NFIA: variants seen among roughly 807,000 people sequenced by gnomAD.
NFIA encodes the protein nuclear factor I A, also known as nuclear factor 1 A-type.
A neutral mutation model predicts 62.8 loss-of-function variants in NFIA; 8 were observed. The observed-to-expected ratio is 0.13, with a 90% CI of 0.07 to 0.23. The LOEUF (loss-of-function observed/expected upper bound fraction) is 0.23, where lower values mean the gene tolerates loss of function less well. Ranked by LOEUF, NFIA falls within the 10% of genes least tolerant of loss-of-function variation. The probability of loss-of-function intolerance (pLI) is 1.00; values close to 1 mark genes in which losing one functional copy is unlikely to be tolerated. For missense variants in NFIA, 410 were observed against 642.1 expected (o/e 0.64, Z 3.91); for synonymous variants, 235 against 238.1 (o/e 0.99, Z 0.12).
At chr1:61,113,677 G>T (rs527244932) in intron 2 of NFIA, among the ~76,000 whole-genome samples, 2 of 152,098 alleles carry the variant, frequency 1.3e-5, no homozygotes, top group Admixed American at 6.6e-5. Flanking sequence ...CATTTGGAAG[G>T]CTTCTTGGGT....
At chr1:61,406,455 A>T in intron 8 of NFIA, 107 bp from the exon 9 acceptor site, 1 of 914,478 alleles carries the variant, frequency 1.1e-6, no homozygotes, top group Non-Finnish European at 1.7e-6. Flanking sequence ...TTAGTAATTT[A>T]CATTAAAGGT....
chr1:61,328,175 A>G (rs1347438785), intron 3 of NFIA, among the ~76,000 whole-genome samples: 1 of 149,514 alleles, frequency 6.7e-6, no homozygotes, highest in Non-Finnish European at 1.5e-5. Context: ...TTGTATGCAT[A>G]TTTCTTGTAA....
At chr1:61,207,408 CCTTT>C (rs1276056600) in intron 2 of NFIA, among the ~76,000 whole-genome samples, 1 of 152,118 alleles carries the variant, frequency 6.6e-6, no homozygotes, top group Non-Finnish European at 1.5e-5. Flanking sequence ...CATCTTTCTT[CCTTT>C]TTTTATTGTT....
At chr1:61,081,964 C>A, upstream of NFIA, 2 of 1,549,690 alleles carry the variant, frequency 1.3e-6, no homozygotes, top group South Asian at 2.4e-5. Context: ...GCCGCCCGGC[C>A]TCCTCCTCGG....
At chr1:61,148,477 G>A (rs939136783) in intron 2 of NFIA, among the ~76,000 whole-genome samples, 9 of 152,076 alleles carry the variant, frequency 5.9e-5, no homozygotes, top group Admixed American at 3.3e-4. Context: ...ATCATAGTGG[G>A]TATTTTGTTG....
At chr1:61,160,004 CAAAT>C (rs1649079888) in intron 2 of NFIA, among the ~76,000 whole-genome samples, 2 of 152,066 alleles carry the variant, frequency 1.3e-5, no homozygotes, top group African/African-American at 2.4e-5. Context: ...TTTAAAGTGT[CAAAT>C]AAGCATAAGG....
In NFIA at chr1:61,146,110, G is replaced by A. The variant is rs549195094; in HGVS notation, c.559+57430G>A. ...GAGAACCTGTTCCTTGGGCCTTCCA[G>A]CATCTAGAGGCTGGCTCTTCACTGC... On this transcript the variant is annotated intron_variant, in intron 2 of 10. Coordinates refer to ENST00000403491, the MANE Select transcript of NFIA (RefSeq NM_001134673.4). Among the ~76,000 whole-genome samples the A allele has an allele frequency of 1.4e-4, 22 of 152,258 alleles. No individual in the cohort carries two copies. In the South Asian group the frequency reaches 4.4e-3, roughly 30 times the overall value.
Position 61,446,849 on chromosome 1 carries a change from C to G in NFIA, c.1513-8454C>G, listed in dbSNP as rs189296265. On this transcript the variant is annotated intron_variant, in intron 10 of 10. Coordinates refer to ENST00000403491, the MANE Select transcript of NFIA (RefSeq NM_001134673.4). Reference sequence around the variant, plus strand: ...CAACCTGAGTCATGTTTGGGAAGAGCAAGAGCGAGGAGGCACGGAGTAGAA... The same window carrying G: ...CAACCTGAGTCATGTTTGGGAAGAGGAAGAGCGAGGAGGCACGGAGTAGAA... Among the ~76,000 whole-genome samples the G allele has an allele frequency of 4.6e-5, 7 of 152,278 alleles. No individual in the cohort carries two copies. The East Asian group carries it at 1.4e-3, about 29-fold the overall frequency.
chr1:61,438,634 G>T (rs984238688), intron 10 of NFIA, among the ~76,000 whole-genome samples: 1 of 151,992 alleles, frequency 6.6e-6, no homozygotes, highest in African/African-American at 2.4e-5. Context: ...AACTAACGTC[G>T]CCAGTTTCTC....
chr1:61,351,943 G>A (rs1662567315), intron 4 of NFIA, among the ~76,000 whole-genome samples: 1 of 152,202 alleles, frequency 6.6e-6, no homozygotes, highest in Admixed American at 6.5e-5. Flanking sequence ...CAGTTAAGGT[G>A]TATGCAAGAT....
At chr1:61,271,368 C>T (rs1453538670) in intron 2 of NFIA, among the ~76,000 whole-genome samples, 1 of 152,088 alleles carries the variant, frequency 6.6e-6, no homozygotes, top group East Asian at 1.9e-4. Context: ...CCCTGGAATA[C>T]CAACATTAAT....
intron 3 of NFIA, among the ~76,000 whole-genome samples, chr1:61,296,550 T>C (rs1341967636): frequency 6.6e-6 from 1 of 152,202 alleles, no homozygotes; most frequent in African/African-American, 2.4e-5. Flanking sequence ...AGAGGAAATA[T>C]TAGTGTCCTT....
chr1:61,099,192 G>A (rs1570147740), intron 2 of NFIA, among the ~76,000 whole-genome samples: 1 of 152,216 alleles, frequency 6.6e-6, no homozygotes, highest in Non-Finnish European at 1.5e-5. Context: ...CAGTTTGGCT[G>A]TATAAAGACT....
intron 2 of NFIA, among the ~76,000 whole-genome samples, chr1:61,176,832 C>T (rs748117977): frequency 5.3e-5 from 8 of 152,046 alleles, no homozygotes; most frequent in Non-Finnish European, 1.0e-4. Context: ...GGGCTGGGCG[C>T]GGTGGCTCAT....
chr1:61,395,606 G>A (rs1054889406), intron 7 of NFIA, among the ~76,000 whole-genome samples: 3 of 152,154 alleles, frequency 2.0e-5, no homozygotes, highest in African/African-American at 7.2e-5. Context: ...CATGTAACTG[G>A]ATTCTTGTCA....
chr1:61,325,215 AT>A, intron 3 of NFIA, among the ~76,000 whole-genome samples: 1 of 152,310 alleles, frequency 6.6e-6, no homozygotes, highest in Middle Eastern at 3.4e-3. Context: ...TTCAATATTA[AT>A]AATATCTGAA....
Position 61,458,307 on chromosome 1 carries a change from G to A in NFIA, c.*2987G>A, listed in dbSNP as rs1163902925. 1 of 152,046 alleles carries A rather than the reference G, an allele frequency of 6.6e-6. No individual in the cohort carries two copies. Among genetic ancestry groups the A allele is most frequent in the Non-Finnish European group, 1.5e-5 (1 of 68,004 alleles). 9.4% of individuals were successfully genotyped at this position (152,046 alleles called of 1,614,324 possible). A position where few individuals can be genotyped will look rare whatever the true frequency, so the allele number is the denominator to read the frequency against. Reference sequence around the variant, plus strand: ...TGTCAGAACCTTGCAATAAGCCAAGGTATTACCAGTAAATTGGTTGTATAT... The same window carrying A: ...TGTCAGAACCTTGCAATAAGCCAAGATATTACCAGTAAATTGGTTGTATAT... On this transcript the variant is annotated 3_prime_UTR_variant, in exon 11 of 11. Coordinates refer to ENST00000403491, the MANE Select transcript of NFIA (RefSeq NM_001134673.4).
chr1:61,196,827 G>T (rs1652031364), intron 2 of NFIA, among the ~76,000 whole-genome samples: 1 of 151,890 alleles, frequency 6.6e-6, no homozygotes, highest in South Asian at 2.1e-4. Flanking sequence ...CGACTTCTCT[G>T]CATACTCATA....
At chr1:61,450,928 A>C (rs916764759) in intron 10 of NFIA, among the ~76,000 whole-genome samples, 2 of 152,194 alleles carry the variant, frequency 1.3e-5, no homozygotes, top group African/African-American at 4.8e-5. Flanking sequence ...TAAAAAGAGG[A>C]TGTAAAAAGC....
Sources: allele counts gnomAD v4.1 joint callset (sites outside exome capture counted in the v4.1 genomes callset), GRCh38; gene constraint gnomAD v4.1.1; transcripts MANE v1.5; gene names NCBI Gene and HGNC (gene_info 2026-07-23, HGNC 2026-07-21).